Variants in RAB3B observed in about 807,000 individuals in gnomAD.
RAB3B encodes the protein ras-related protein Rab-3B.
A neutral mutation model predicts 20.5 loss-of-function variants in RAB3B; 11 were observed. That is an observed-to-expected ratio of 0.54 (90% confidence interval 0.34 to 0.89). The LOEUF (loss-of-function observed/expected upper bound fraction) is 0.89, where lower values mean the gene tolerates loss of function less well. Among genes scored for constraint, RAB3B ranks in the 40% least tolerant of loss-of-function variants. The probability of loss-of-function intolerance (pLI) is 0.02; values close to 1 mark genes in which losing one functional copy is unlikely to be tolerated. For missense variants in RAB3B, 225 were observed against 280.9 expected, an observed-to-expected ratio of 0.80 and a Z score of 1.42; for synonymous variants, 99 against 106.3, an observed-to-expected ratio of 0.93 and a Z score of 0.42.
At position 51,916,922 on chromosome 1, in the gene RAB3B, CT is replaced by C. The variant is rs1684093811; in HGVS notation, c.*3004del. 1 of 152,196 alleles carries C rather than the reference CT, an allele frequency of 6.6e-6. No homozygotes were observed. The allele number at this position is 152,196 out of a possible 1,614,324, so 9.4% of individuals were successfully genotyped here. On this transcript the variant is annotated 3_prime_UTR_variant, in exon 5 of 5. Coordinates refer to ENST00000371655, the MANE Select transcript of RAB3B (RefSeq NM_002867.4). ...GCCCTGGAATTGAATCCTAATGTGG[CT>C]TTAACACTCTCTTGGTATGTGATCC...
chr1:51,910,035 T>C lies in RAB3B; in HGVS notation c.*9892A>G, dbSNP rs1227573943. ...AGTAGATAGTATTACTTCATTTACA[T>C]ATGAAGTAACTGAGGCTCACTGAGG... is the stretch of plus-strand genomic sequence containing the variant. On this transcript the variant is annotated 3_prime_UTR_variant, in exon 5 of 5. Coordinates refer to ENST00000371655, the MANE Select transcript of RAB3B (RefSeq NM_002867.4). The C allele has an allele frequency of 6.6e-6, 1 of 152,180 alleles. No individual in the cohort carries two copies. Among genetic ancestry groups the C allele is most frequent in the Non-Finnish European group, 1.5e-5 (1 of 68,038 alleles). 9.4% of individuals were successfully genotyped at this position (152,180 alleles called of 1,614,324 possible). A position where few individuals can be genotyped will look rare whatever the true frequency, so the allele number is the denominator to read the frequency against.
rs1229365064 is a variant in RAB3B at position 51,915,454 on chromosome 1, T to C, written c.*4473A>G. ...AAATAGGAGCCTGGAACAGATCTTC[T>C]CTAAGCTCCTTTCCAGATCTGATAA... On this transcript the variant is annotated 3_prime_UTR_variant, in exon 5 of 5. Transcript: ENST00000371655. 6.6e-6 allele frequency: 1 copy of C among 152,152 alleles called. No homozygotes were observed. Among genetic ancestry groups the C allele is most frequent in the East Asian group, 1.9e-4 (1 of 5,182 alleles). 9.4% of individuals were successfully genotyped at this position (152,152 alleles called of 1,614,324 possible). A position where few individuals can be genotyped will look rare whatever the true frequency, so the allele number is the denominator to read the frequency against.
intron 2 of RAB3B, among the ~76,000 whole-genome samples, chr1:51,939,544 T>C (rs1465275435): frequency 6.6e-6 from 1 of 152,146 alleles, no homozygotes; most frequent in Non-Finnish European, 1.5e-5. Flanking sequence ...CACCTCAGCC[T>C]GCAGAATAGC....
At chr1:51,958,279 G>A (rs570110714) in intron 2 of RAB3B, among the ~76,000 whole-genome samples, 1 of 152,150 alleles carries the variant, frequency 6.6e-6, no homozygotes, top group Non-Finnish European at 1.5e-5. Flanking sequence ...CTTTAATAAA[G>A]TACAACCCTT....
intron 1 of RAB3B, among the ~76,000 whole-genome samples, chr1:51,979,170 AT>A (rs1476221151): frequency 2.0e-5 from 3 of 152,002 alleles, no homozygotes; most frequent in Non-Finnish European, 2.9e-5. Flanking sequence ...GGAGGGTGCC[AT>A]TGGCTGCTTA....
intron 2 of RAB3B, among the ~76,000 whole-genome samples, chr1:51,943,283 C>T (rs1684518902): frequency 6.6e-6 from 1 of 152,068 alleles, no homozygotes; most frequent in Non-Finnish European, 1.5e-5. Flanking sequence ...ACTCAGGAGG[C>T]TGAGGCAGGA....
Position 51,925,851 on chromosome 1 carries a change from G to C in RAB3B, c.473-5737C>G, listed in dbSNP as rs571748288. 5.4e-4 allele frequency among the ~76,000 whole-genome samples: 83 copies of C among 152,338 alleles called. 1 individual carries two copies. The highest frequency in any genetic ancestry group is 1.9e-3 in the African/African-American group (78 of 41,574). ...ATATAGGTGATGGAAGAACTAAGAA[G>C]CTAAACAGAATATTGAGGAAACCCA... On this transcript the variant is annotated intron_variant, in intron 4 of 4. Coordinates refer to ENST00000371655, the MANE Select transcript of RAB3B (RefSeq NM_002867.4).
chr1:51,979,920 G>A (rs1232368019), intron 1 of RAB3B, among the ~76,000 whole-genome samples: 1 of 151,692 alleles, frequency 6.6e-6, no homozygotes, highest in Non-Finnish European at 1.5e-5. Flanking sequence ...GCGGGTGCCT[G>A]TAGTCCCAGC....
chr1:51,966,159 T>C (rs1164260053), intron 2 of RAB3B, among the ~76,000 whole-genome samples: 3 of 152,204 alleles, frequency 2.0e-5, no homozygotes, highest in Non-Finnish European at 4.4e-5. Flanking sequence ...GCAATTATGC[T>C]CTTGCAAATG....
At chr1:51,937,226 A>G (rs2124255750) in intron 3 of RAB3B, 68 bp downstream of exon 3, 1 of 1,268,534 alleles carries the variant, frequency 7.9e-7, no homozygotes, top group East Asian at 2.4e-5. Context: ...CACACAATAC[A>G]GGACCTAGCA....
At chr1:51,949,030 G>A (rs940330793) in intron 2 of RAB3B, among the ~76,000 whole-genome samples, 3 of 152,156 alleles carry the variant, frequency 2.0e-5, no homozygotes, top group African/African-American at 4.8e-5. Context: ...TCCCATCTCC[G>A]TCTGCTGGCC....
At chr1:51,924,716 A>AAC (rs1347776752) in intron 4 of RAB3B, among the ~76,000 whole-genome samples, 1 of 152,198 alleles carries the variant, frequency 6.6e-6, no homozygotes, top group Non-Finnish European at 1.5e-5. Flanking sequence ...TCATGGGTCT[A>AAC]GCCAGCTCAA....
In RAB3B at chr1:51,980,301, A is replaced by G. The variant is rs533833765; in HGVS notation, c.1-3184T>C. On this transcript the variant is annotated intron_variant, in intron 1 of 4. Coordinates refer to ENST00000371655, the MANE Select transcript of RAB3B (RefSeq NM_002867.4). ...AAATTAGCCAGCCGTGGTGGCACAC[A>G]TCTATAATCCCAGCTGCTTGGGAGG... Among the ~76,000 whole-genome samples, 4 of 152,070 alleles carry G rather than the reference A, an allele frequency of 2.6e-5. No individual in the cohort carries two copies. The South Asian group carries it at 8.3e-4, about 32-fold the overall frequency.
intron 2 of RAB3B, among the ~76,000 whole-genome samples, chr1:51,941,847 T>G (rs2256201): frequency 0.84 from 128,102 of 152,162 alleles, 54,771 homozygotes; most frequent in East Asian, 1. Context: ...GGAAGATATT[T>G]TCTCCAGCTC....
At chr1:51,925,645 T>C (rs1684233987) in intron 4 of RAB3B, among the ~76,000 whole-genome samples, 1 of 152,186 alleles carries the variant, frequency 6.6e-6, no homozygotes, top group Non-Finnish European at 1.5e-5. Context: ...TCATCTTCAT[T>C]ATTCATCTGT....
In RAB3B at chr1:51,919,668, C is replaced by A; in HGVS notation, c.*259G>T. On this transcript the variant is annotated 3_prime_UTR_variant, in exon 5 of 5. Transcript: ENST00000371655. ...CTAAGTCCCTGTAGTGAATCCCCTT[C>A]GTAAAACAGAGTCTTCTTTTGTAAA... is the stretch of plus-strand genomic sequence containing the variant. 5.4e-6 allele frequency: 2 copies of A among 367,260 alleles called. No individual in the cohort carries two copies. Among genetic ancestry groups the A allele is most frequent in the Non-Finnish European group, 9.8e-6 (2 of 204,462 alleles). The allele number at this position is 367,260 out of a possible 1,614,324, so 22.8% of individuals were successfully genotyped here. A position where few individuals can be genotyped will look rare whatever the true frequency, so the allele number is the denominator to read the frequency against.
rs748710184 is a variant in RAB3B, at chr1:51,917,088, C to T, written c.*2839G>A. 6.6e-6 allele frequency: 1 copy of T among 152,136 alleles called. No individual in the cohort carries two copies. The highest frequency in any genetic ancestry group is 1.5e-5 in the Non-Finnish European group (1 of 68,026). 9.4% of individuals were successfully genotyped at this position (152,136 alleles called of 1,614,324 possible). A position where few individuals can be genotyped will look rare whatever the true frequency, so the allele number is the denominator to read the frequency against. On this transcript the variant is annotated 3_prime_UTR_variant, in exon 5 of 5. Coordinates refer to ENST00000371655, the MANE Select transcript of RAB3B (RefSeq NM_002867.4). ...TTACTTATTATGTGACTTTAGAGGT[C>T]CAGCTAGAACCTCTTTGTACCTTTG...
rs1312027789 is a variant in RAB3B at position 51,918,491 on chromosome 1, T to G, written c.*1436A>C. On this transcript the variant is annotated 3_prime_UTR_variant, in exon 5 of 5. Transcript: ENST00000371655. ...GTCACAGGGCAGAGGGAGCACAGAC[T>G]GTGAAGTCTCTGACAGCAGAGCTGG... is the stretch of plus-strand genomic sequence containing the variant. The G allele has an allele frequency of 1.3e-5, 2 of 152,182 alleles. No homozygotes were observed. Among genetic ancestry groups the G allele is most frequent in the Non-Finnish European group, 2.9e-5 (2 of 68,050 alleles). 9.4% of individuals were successfully genotyped at this position (152,182 alleles called of 1,614,324 possible). A position where few individuals can be genotyped will look rare whatever the true frequency, so the allele number is the denominator to read the frequency against.
chr1:51,972,566 A>G (rs1007002795), intron 2 of RAB3B, among the ~76,000 whole-genome samples: 7 of 150,900 alleles, frequency 4.6e-5, no homozygotes, highest in African/African-American at 1.7e-4. Context: ...CCTCAAAGGA[A>G]GTAATCGAAG....
Sources: allele counts gnomAD v4.1 joint callset (sites outside exome capture counted in the v4.1 genomes callset), GRCh38; gene constraint gnomAD v4.1.1; transcripts MANE v1.5; gene names NCBI Gene and HGNC (gene_info 2026-07-23, HGNC 2026-07-21).